The following CIT variants were observed in gnomAD, a reference collection of about 807,000 sequenced individuals.
CIT encodes the protein citron rho-interacting serine/threonine kinase, also known as citron Rho-interacting kinase.
In CIT, 79 loss-of-function variants were observed where a neutral mutation model predicts 272.7. That is an observed-to-expected ratio of 0.29 (90% CI 0.24 to 0.35). The LOEUF (loss-of-function observed/expected upper bound fraction) is 0.35. Among genes scored for constraint, CIT ranks in the 10% least tolerant of loss-of-function variants. The pLI is 1.00. For synonymous variants in CIT, 948 were observed against 995.6 expected, an observed-to-expected ratio of 0.95 and a Z score of 0.90; for missense variants, 1,909 against 2,618.3, an observed-to-expected ratio of 0.73 and a Z score of 5.91.
At chr12:119,851,735 A>C (rs572033405) in intron 4 of CIT, among the ~76,000 whole-genome samples, 1 of 152,356 alleles carries the variant, frequency 6.6e-6, no homozygotes, top group South Asian at 2.1e-4. Flanking sequence ...CCCATAAAAT[A>C]CTTTTTTAAT....
chr12:119,829,401 G>GAA (rs1555260354), intron 7 of CIT, among the ~76,000 whole-genome samples: 11 of 137,610 alleles, frequency 8.0e-5, no homozygotes, highest in African/African-American at 2.8e-4. Flanking sequence ...GAAGAGAAGA[G>GAA]AAGAGCTTAC....
chr12:119,720,876 T>C (rs927487869), intron 29 of CIT, among the ~76,000 whole-genome samples: 1 of 152,188 alleles, frequency 6.6e-6, no homozygotes, highest in Non-Finnish European at 1.5e-5. Flanking sequence ...GAAAATAAAA[T>C]CTTGGGGAAA....
chr12:119,804,417 C>A lies in CIT; in HGVS notation c.1112-1028G>T. ...CGCAGTGCAGGCTGCATGCTCCCGG[C>A]TCCGTGCGTGCGTGCTCTGGCTGGA... On this transcript the variant is annotated intron_variant, in intron 9 of 47. Coordinates refer to ENST00000392521, the MANE Select transcript of CIT (RefSeq NM_001206999.2). The surrounding 1 kb of genome is among the most constrained non-coding windows in gnomAD (Gnocchi z 5.3). The A allele has an allele frequency of 1.0e-6, 1 of 985,706 alleles. No individual in the cohort carries two copies. Among genetic ancestry groups the A allele is most frequent in the Non-Finnish European group, 1.2e-6 (1 of 830,146 alleles). The allele number at this position is 985,706 out of a possible 1,614,324, so 61.1% of individuals were successfully genotyped here. A position where few individuals can be genotyped will look rare whatever the true frequency, so the allele number is the denominator to read the frequency against.
intron 30 of CIT, 146 bp from the exon 31 acceptor site, chr12:119,719,007 G>T (rs145215199): frequency 1.2e-4 from 91 of 789,882 alleles, no homozygotes; most frequent in Non-Finnish European, 1.6e-4. Flanking sequence ...CATGTGAAGG[G>T]GGGGAAGGGT....
chr12:119,865,899 C>T (rs11064944), intron 3 of CIT, among the ~76,000 whole-genome samples: 6,897 of 149,820 alleles, frequency 0.046, 308 homozygotes, highest in African/African-American at 0.12. Context: ...TACATTATTC[C>T]TATTTTACAG....
chr12:119,809,445 T>C (rs1447899866), intron 9 of CIT, among the ~76,000 whole-genome samples: 1 of 152,172 alleles, frequency 6.6e-6, no homozygotes, highest in African/African-American at 2.4e-5. Flanking sequence ...GAGATATATA[T>C]ATACATATAT....
At chr12:119,752,782 C>G (rs1417292586) in intron 22 of CIT, among the ~76,000 whole-genome samples, 1 of 152,184 alleles carries the variant, frequency 6.6e-6, no homozygotes, top group Non-Finnish European at 1.5e-5. Context: ...CCTATCTATT[C>G]AATCTTTCAT....
At position 119,712,226 on chromosome 12, in the gene CIT, T is replaced by G; in HGVS notation, c.4806A>C (p.Ser1602=). 1 of 1,611,790 alleles carries G rather than the reference T, an allele frequency of 6.2e-7. No individual in the cohort carries two copies. The highest frequency in any genetic ancestry group is 1.1e-5 in the South Asian group (1 of 90,784). The part of the protein sequence containing the change: ...DKQRWVTALE[S]VVAGGRVSRE... ...TAGAAACTCTCCCACCTGCGACAAC[T>G]GATTCTAAGGCGGTGACCCAGCGCT... Residue 1602 remains serine, a synonymous_variant, in exon 37 of 48, where the codon TCA becomes TCC. Transcript: ENST00000392521. This position sits in a 1 kb window ranked among gnomAD's most constrained non-coding sequence, Gnocchi z 5.2.
chr12:119,862,205 G>A (rs541680899), intron 3 of CIT, among the ~76,000 whole-genome samples: 20 of 152,254 alleles, frequency 1.3e-4, no homozygotes, highest in African/African-American at 4.3e-4. Flanking sequence ...ATTTTGGCCA[G>A]GCTGGTCTCA....
intron 5 of CIT, among the ~76,000 whole-genome samples, chr12:119,844,936 C>T (rs1969685462): frequency 6.6e-6 from 1 of 151,746 alleles, no homozygotes; most frequent in Non-Finnish European, 1.5e-5. Flanking sequence ...CTGGCTAACA[C>T]GGTGAAACCC....
intron 18 of CIT, among the ~76,000 whole-genome samples, chr12:119,767,402 G>C (rs768481507): frequency 1.3e-5 from 2 of 152,158 alleles, no homozygotes; most frequent in African/African-American, 2.4e-5. Context: ...ATAGCTGGTG[G>C]GCTGTAAGGC....
intron 44 of CIT, among the ~76,000 whole-genome samples, chr12:119,699,459 T>C (rs1956426011): frequency 6.6e-6 from 1 of 152,182 alleles, no homozygotes; most frequent in African/African-American, 2.4e-5. Flanking sequence ...TATTAGACTT[T>C]TAAAGTCATG....
At chr12:119,730,271 T>C (rs1160633882) in intron 27 of CIT, among the ~76,000 whole-genome samples, 1 of 151,982 alleles carries the variant, frequency 6.6e-6, no homozygotes, top group African/African-American at 2.4e-5. Flanking sequence ...TTTTAAAAAG[T>C]CACTGGCCGA....
chr12:119,756,708 G>A (rs1961032644), intron 22 of CIT, among the ~76,000 whole-genome samples: 2 of 152,194 alleles, frequency 1.3e-5, no homozygotes, highest in African/African-American at 4.8e-5. Flanking sequence ...GGAAGTTTGT[G>A]TTAATTGGCC....
chr12:119,736,950 A>G (rs559918414), intron 24 of CIT, among the ~76,000 whole-genome samples: 3 of 152,336 alleles, frequency 2.0e-5, no homozygotes, highest in African/African-American at 4.8e-5. Flanking sequence ...GGAACCCCCA[A>G]TAAGCCATCT....
intron 5 of CIT, among the ~76,000 whole-genome samples, chr12:119,844,469 C>G (rs1358519745): frequency 6.6e-6 from 1 of 152,110 alleles, no homozygotes; most frequent in African/African-American, 2.4e-5. Flanking sequence ...GAGCTTGGAT[C>G]AAGTTTTGCC....
At chr12:119,870,643 G>A (rs1594015686) in intron 2 of CIT, among the ~76,000 whole-genome samples, 1 of 151,566 alleles carries the variant, frequency 6.6e-6, no homozygotes. Context: ...GACCAGGGGT[G>A]TGCAATCTGT....
At chr12:119,822,782 T>G in intron 9 of CIT, 38 bp downstream of exon 9, 1 of 1,608,638 alleles carries the variant, frequency 6.2e-7, no homozygotes, top group Non-Finnish European at 8.5e-7. Context: ...TGTTTCATAA[T>G]CCCAACATCC....
chr12:119,725,467 T>C (rs1156359803), intron 28 of CIT, among the ~76,000 whole-genome samples: 1 of 152,224 alleles, frequency 6.6e-6, no homozygotes, highest in East Asian at 1.9e-4. Flanking sequence ...TCTCCGCACC[T>C]ACGAAGAGGA....
Sources: gnomAD v4.1 joint callset for allele counts (sites outside exome capture counted in the v4.1 genomes callset) on GRCh38, gnomAD v4.1.1 for gene constraint, Gnocchi (gnomAD v3.1) non-coding constraint, MANE v1.5 for transcripts, NCBI Gene and HGNC (gene_info 2026-07-23, HGNC 2026-07-21) for gene names.